Variants in TNR observed in about 807,000 individuals in gnomAD.
TNR encodes the protein tenascin-R.
A neutral mutation model predicts 150.4 loss-of-function variants in TNR; 45 were observed. The observed-to-expected ratio is 0.30, with a 90% confidence interval of 0.24 to 0.38. The LOEUF is 0.38. Ranked by LOEUF, TNR falls within the 10% of genes least tolerant of loss-of-function variation. The pLI is 1.00. For synonymous variants in TNR, 687 were observed against 678.4 expected (o/e 1.01, Z -0.20); for missense variants, 1,544 against 1,759.1 (o/e 0.88, Z 2.19).
chr1:175,678,448 T>C (rs1665931836), intron 1 of TNR, among the ~76,000 whole-genome samples: 1 of 152,220 alleles, frequency 6.6e-6, no homozygotes. Context: ...CCCAGTCACA[T>C]GGGCCAGTCT....
intron 1 of TNR, among the ~76,000 whole-genome samples, chr1:175,628,352 C>A (rs1426121030): frequency 6.6e-6 from 1 of 151,970 alleles, no homozygotes; most frequent in Non-Finnish European, 1.5e-5. Flanking sequence ...TTGAAGGCCA[C>A]TTAAAGGGAC....
chr1:175,404,586 G>A (rs1444026034), intron 3 of TNR, among the ~76,000 whole-genome samples: 1 of 152,214 alleles, frequency 6.6e-6, no homozygotes, highest in East Asian at 1.9e-4. Flanking sequence ...AGTCTAGTAA[G>A]TTACATCCTT....
chr1:175,622,598 G>T (rs1435708837), intron 1 of TNR, among the ~76,000 whole-genome samples: 2 of 152,088 alleles, frequency 1.3e-5, no homozygotes, highest in Non-Finnish European at 2.9e-5. Flanking sequence ...CCCCAGTATG[G>T]GCATCTCTTC....
intron 1 of TNR, among the ~76,000 whole-genome samples, chr1:175,682,722 G>C (rs191013943): frequency 2.6e-5 from 4 of 152,082 alleles, no homozygotes; most frequent in Non-Finnish European, 4.4e-5. Context: ...GGACTGCTTG[G>C]ACTTCAGGTG....
chr1:175,423,408 T>A (rs1032526687), intron 2 of TNR, among the ~76,000 whole-genome samples: 25 of 152,090 alleles, frequency 1.6e-4, no homozygotes, highest in African/African-American at 5.6e-4. Flanking sequence ...GAGTGACAAA[T>A]CCCATGGTGG....
At chr1:175,373,130 C>T (rs1652181733) in intron 9 of TNR, among the ~76,000 whole-genome samples, 2 of 151,992 alleles carry the variant, frequency 1.3e-5, no homozygotes, top group South Asian at 4.1e-4. Context: ...GTTGGGGAGA[C>T]TCCGAAGAGA....
chr1:175,455,078 A>C (rs142675269), intron 2 of TNR, among the ~76,000 whole-genome samples: 1 of 152,328 alleles, frequency 6.6e-6, no homozygotes, highest in African/African-American at 2.4e-5. Flanking sequence ...ACCATGCTGG[A>C]GAGGTCACAC....
Position 175,611,729 on chromosome 1 carries a change from T to C in TNR, c.-164-83360A>G, listed in dbSNP as rs143817436. Among the ~76,000 whole-genome samples the C allele has an allele frequency of 4.1e-4, 63 of 152,258 alleles. No homozygotes were observed. In the Middle Eastern group the frequency reaches 0.01, roughly 25 times the overall value. On this transcript the variant is annotated intron_variant, in intron 1 of 22. Transcript: ENST00000367674. ...TGTTCACTAGCTAAACAAGTGCCTA[T>C]GGAACACTGACTATATATCCAGGGT...
At chr1:175,484,372 G>T (rs1041057768) in intron 2 of TNR, among the ~76,000 whole-genome samples, 6 of 152,024 alleles carry the variant, frequency 3.9e-5, no homozygotes, top group African/African-American at 1.5e-4. Flanking sequence ...TGTTTCTGCT[G>T]GTCATGTATT....
At chr1:175,461,289 T>C (rs529152988) in intron 2 of TNR, among the ~76,000 whole-genome samples, 22 of 152,304 alleles carry the variant, frequency 1.4e-4, no homozygotes, top group African/African-American at 5.3e-4. Flanking sequence ...GACTAAGATT[T>C]ATAGCACTCA....
At chr1:175,641,543 G>A (rs141700302) in intron 1 of TNR, among the ~76,000 whole-genome samples, 200 of 152,276 alleles carry the variant, frequency 1.3e-3, no homozygotes, top group Middle Eastern at 6.8e-3. Context: ...AATGGCTCAT[G>A]GGGCAAAGAG....
chr1:175,725,524 C>T (rs73037237), intron 1 of TNR, among the ~76,000 whole-genome samples: 8,383 of 152,208 alleles, frequency 0.055, 709 homozygotes, highest in African/African-American at 0.18. Context: ...TCCACGATGA[C>T]CAAAGCTCTC....
chr1:175,492,086 G>A (rs1472460053), intron 2 of TNR, among the ~76,000 whole-genome samples: 1 of 152,168 alleles, frequency 6.6e-6, no homozygotes, highest in Admixed American at 6.5e-5. Context: ...AGGCCTCCTA[G>A]TAACTATTTC....
At chr1:175,589,673 A>G (rs747917925) in intron 1 of TNR, among the ~76,000 whole-genome samples, 21 of 152,220 alleles carry the variant, frequency 1.4e-4, no homozygotes, top group Non-Finnish European at 3.1e-4. Context: ...AGCCATAAAA[A>G]AGGATGAATT....
At chr1:175,714,473 A>G (rs368102927) in intron 1 of TNR, among the ~76,000 whole-genome samples, 37 of 152,194 alleles carry the variant, frequency 2.4e-4, no homozygotes, top group East Asian at 1.2e-3. Flanking sequence ...CCCAGCTGGC[A>G]CTGCGCCCCA....
intron 1 of TNR, among the ~76,000 whole-genome samples, chr1:175,650,361 C>T (rs1571713227): frequency 6.6e-6 from 1 of 151,920 alleles, no homozygotes; most frequent in East Asian, 1.9e-4. Flanking sequence ...TCAGCATGGA[C>T]GACAGAGCAA....
intron 1 of TNR, among the ~76,000 whole-genome samples, chr1:175,535,920 G>A (rs778626915): frequency 6.6e-6 from 1 of 152,138 alleles, no homozygotes; most frequent in African/African-American, 2.4e-5. Context: ...TAGGCAGCAA[G>A]TCACAGTAGT....
At chr1:175,738,621 C>T (rs189718318) in intron 1 of TNR, among the ~76,000 whole-genome samples, 27 of 152,270 alleles carry the variant, frequency 1.8e-4, no homozygotes, top group African/African-American at 6.0e-4. Context: ...TGTAAATGTA[C>T]TTAGTGCCAT....
Position 175,353,429 on chromosome 1 carries a change from AT to A in TNR, c.3382+961del, listed in dbSNP as rs567980106. Among the ~76,000 whole-genome samples the A allele has an allele frequency of 9.2e-5, 14 of 152,274 alleles. No individual in the cohort carries two copies. In the South Asian group the frequency reaches 2.5e-3, roughly 27 times the overall value. On this transcript the variant is annotated intron_variant, in intron 18 of 22. Coordinates refer to ENST00000367674, the MANE Select transcript of TNR (RefSeq NM_003285.3). ...TTATTTCCTGTTATAGAGATTAGGAATTTTTTTTATCCTTTAGCAGCGTTTT... is the reference window on the plus strand; with the variant it reads ...TTATTTCCTGTTATAGAGATTAGGAATTTTTTTATCCTTTAGCAGCGTTTT...
Sources: gnomAD v4.1 joint callset for allele counts (sites outside exome capture counted in the v4.1 genomes callset) on GRCh38, gnomAD v4.1.1 for gene constraint, MANE v1.5 for transcripts, NCBI Gene and HGNC (gene_info 2026-07-23, HGNC 2026-07-21) for gene names.